TUSC3: variants seen among roughly 807,000 people sequenced by gnomAD.
TUSC3 encodes tumor suppressor candidate 3.
Under a neutral mutation model 44.8 loss-of-function variants are expected in TUSC3, and 45 were observed. The ratio of observed to expected loss-of-function variants is 1.00; its 90% CI spans 0.79 to 1.29. The LOEUF is 1.29. Among genes scored for constraint, TUSC3 ranks in the 50% most tolerant of loss-of-function variants. TUSC3 has a pLI of 0.00. For missense variants in TUSC3, 519 were observed against 437.9 expected, an observed-to-expected ratio of 1.19 and a Z score of -1.65; for synonymous variants, 212 against 152.9, an observed-to-expected ratio of 1.39 and a Z score of -2.85.
chr8:15,504,607 ATATATATATATATATTTTTTTTTTTT>A (rs1232203767), intron 2 of TUSC3, among the ~76,000 whole-genome samples: 2 of 25,124 alleles, frequency 8.0e-5, no homozygotes, highest in African/African-American at 3.7e-4. Context: ...ATATATATAT[ATATATATATATATATTTTTTTTTTTT>A]TTTTTTTTTA....
In TUSC3 at chr8:15,711,229, T is replaced by A. The variant is rs1809836795; in HGVS notation, c.799-19437T>A. ...CCTGTAAGTCTCTCCTCGATGTTGA[T>A]CTACTTAAGCTGAGGCAGTATTTTA... On this transcript the variant is annotated intron_variant, in intron 6 of 10. Transcript: ENST00000503731. Among the ~76,000 whole-genome samples the A allele has an allele frequency of 2.0e-5, 3 of 151,872 alleles. No homozygotes were observed. In the Admixed American group the frequency reaches 2.0e-4, roughly 10 times the overall value.
chr8:15,467,618 T>C (rs901570272), intron 1 of TUSC3, among the ~76,000 whole-genome samples: 1 of 152,186 alleles, frequency 6.6e-6, no homozygotes, highest in African/African-American at 2.4e-5. Context: ...GGGAAAACAC[T>C]GATTTGGTTT....
At chr8:15,480,017 G>A (rs1800637118) in intron 1 of TUSC3, among the ~76,000 whole-genome samples, 1 of 152,114 alleles carries the variant, frequency 6.6e-6, no homozygotes. Flanking sequence ...TAGACAAGCA[G>A]AGAGCCAAAT....
At chr8:15,472,986 C>A (rs924921440) in intron 1 of TUSC3, among the ~76,000 whole-genome samples, 2 of 152,080 alleles carry the variant, frequency 1.3e-5, no homozygotes, top group African/African-American at 4.8e-5. Flanking sequence ...AGTTTTCTAA[C>A]CAGCAAATTA....
intron 1 of TUSC3, among the ~76,000 whole-genome samples, chr8:15,439,383 C>CAGTGAGTTGCCCAGACATTTGTTATAATA (rs1180021217): frequency 6.6e-6 from 1 of 152,064 alleles, no homozygotes; most frequent in Admixed American, 6.5e-5. Context: ...CTGGGCAACA[C>CAGTGAGTTGCCCAGACATTTGTTATAATA]AGTGAGTCCT....
In TUSC3 at chr8:15,554,300, T is replaced by G. The variant is rs1802162267; in HGVS notation, c.138+13732T>G. Among the ~76,000 whole-genome samples the G allele has an allele frequency of 2.0e-5, 3 of 151,882 alleles. No individual in the cohort carries two copies. In the South Asian group the frequency reaches 6.3e-4, roughly 32 times the overall value. On this transcript the variant is annotated intron_variant, in intron 1 of 10. Coordinates refer to ENST00000503731, the MANE Select transcript of TUSC3 (RefSeq NM_006765.4). The stretch of plus-strand genomic sequence containing the variant: ...ACTCAGCATGGCCACATGACTAACT[T>G]TAGCCTGTGAAATGCAAGGAGATGT...
At chr8:15,659,917 G>A (rs554393080) in intron 4 of TUSC3, among the ~76,000 whole-genome samples, 14 of 152,102 alleles carry the variant, frequency 9.2e-5, no homozygotes, top group Admixed American at 5.2e-4. Context: ...CGTTTAAAAC[G>A]TTTCAGTGGT....
intron 1 of TUSC3, among the ~76,000 whole-genome samples, chr8:15,468,297 A>C (rs1343214004): frequency 6.6e-6 from 1 of 152,182 alleles, no homozygotes; most frequent in African/African-American, 2.4e-5. Context: ...TAAGAAATAG[A>C]AGCCCACTGG....
intron 1 of TUSC3, among the ~76,000 whole-genome samples, chr8:15,590,405 G>A (rs557779956): frequency 1.1e-4 from 16 of 152,256 alleles, no homozygotes; most frequent in African/African-American, 3.8e-4. Flanking sequence ...GAGACGTCAT[G>A]AGTGAACATT....
intron 8 of TUSC3, among the ~76,000 whole-genome samples, chr8:15,744,911 T>C (rs1811340866): frequency 6.6e-6 from 1 of 152,038 alleles, no homozygotes; most frequent in Non-Finnish European, 1.5e-5. Context: ...ATAATGAGCT[T>C]AGTACCAAAC....
chr8:15,597,337 A>T (rs1348105940), intron 1 of TUSC3, among the ~76,000 whole-genome samples: 4 of 152,140 alleles, frequency 2.6e-5, no homozygotes, highest in African/African-American at 9.7e-5. Flanking sequence ...AATCTGGGAC[A>T]GTTTTCCTCA....
chr8:15,662,281 G>T lies in TUSC3; in HGVS notation c.693G>T (p.Trp231Cys). 6.2e-7 allele frequency: 1 copy of T among 1,612,716 alleles called. No individual in the cohort carries two copies. The highest frequency in any genetic ancestry group is 8.5e-7 in the Non-Finnish European group (1 of 1,179,092). ...NLEFIYNKTG[W>C]AMVSLCIVFA... ...AGTTCATCTATAACAAGACTGGTTG[G>T]GCCATGGTGTCTCTGGTATGTTAAT... Residue 231 changes from tryptophan to cysteine, a missense_variant, in exon 5 of 11, where the codon TGG becomes TGT. Transcript: ENST00000503731.
intron 1 of TUSC3, among the ~76,000 whole-genome samples, chr8:15,469,292 A>G (rs1018232412): frequency 1.3e-5 from 2 of 152,244 alleles, no homozygotes; most frequent in African/African-American, 4.8e-5. Context: ...CAAAATATAC[A>G]AAGAACTCTT....
chr8:15,801,031 G>A, the TUSC3 span, among the ~76,000 whole-genome samples: 246 of 152,264 alleles, frequency 1.6e-3, 2 homozygotes, highest in African/African-American at 5.8e-3. Flanking sequence ...AGAGGGTTCT[G>A]GATCTCACCC....
At chr8:15,422,169 C>T (rs79479536) in intron 1 of TUSC3, among the ~76,000 whole-genome samples, 97 of 152,268 alleles carry the variant, frequency 6.4e-4, no homozygotes, top group African/African-American at 2.1e-3. Flanking sequence ...GAAAAGTTTA[C>T]AGATACTATG....
At chr8:15,715,670 G>T (rs1810027914) in intron 6 of TUSC3, among the ~76,000 whole-genome samples, 1 of 151,368 alleles carries the variant, frequency 6.6e-6, no homozygotes, top group Non-Finnish European at 1.5e-5. Context: ...GATAAGGGGG[G>T]ACTACTATGC....
intron 1 of TUSC3, among the ~76,000 whole-genome samples, chr8:15,578,028 A>G (rs1279318077): frequency 0.023 from 2,824 of 122,306 alleles, no homozygotes; most frequent in South Asian, 0.044. Context: ...GAGGTCCTTC[A>G]CATCCCTTGT....
At chr8:15,640,046 G>A (rs77832731) in intron 2 of TUSC3, among the ~76,000 whole-genome samples, 3,465 of 152,246 alleles carry the variant, frequency 0.023, 125 homozygotes, top group African/African-American at 0.077. Context: ...ATGGGAACTT[G>A]GATTTTGGGA....
At chr8:15,806,744 T>C in the TUSC3 span, 1 of 792,324 alleles carries the variant, frequency 1.3e-6, no homozygotes, top group East Asian at 2.5e-5. Flanking sequence ...TTTCACATGC[T>C]AAAGCATTAC....
Sources: allele counts gnomAD v4.1 joint callset (sites outside exome capture counted in the v4.1 genomes callset), GRCh38; gene constraint gnomAD v4.1.1; transcripts MANE v1.5; gene names NCBI Gene and HGNC (gene_info 2026-07-23, HGNC 2026-07-21).